The following SDK1 variants were observed in gnomAD, a reference collection of about 807,000 sequenced individuals.
SDK1 encodes protein sidekick-1.
In SDK1, 157 loss-of-function variants were observed where a neutral mutation model predicts 245.5. The ratio of observed to expected loss-of-function variants is 0.64; its 90% CI spans 0.56 to 0.73. The LOEUF is 0.73. Among genes scored for constraint, SDK1 ranks in the 30% least tolerant of loss-of-function variants. The pLI, the probability that SDK1 is intolerant of heterozygous loss-of-function variation, is 0.00. For missense variants in SDK1, 3,583 were observed against 3,002.3 expected, an observed-to-expected ratio of 1.19 and a Z score of -4.52; for synonymous variants, 1,647 against 1,278.5, an observed-to-expected ratio of 1.29 and a Z score of -6.15.
At position 3,866,815 on chromosome 7, in the gene SDK1, G is replaced by A. The variant is rs557953883; in HGVS notation, c.847+45232G>A. 9.8e-5 allele frequency among the ~76,000 whole-genome samples: 15 copies of A among 152,292 alleles called. No homozygotes were observed. In the South Asian group the frequency reaches 1.2e-3, roughly 13 times the overall value. On this transcript the variant is annotated intron_variant, in intron 5 of 44. Coordinates refer to ENST00000404826, the MANE Select transcript of SDK1 (RefSeq NM_152744.4). ...GTGGAGGAACCACTTGAGAGGAGGC[G>A]TAAGGACAGACTGTGAAGGACTTTG... is the stretch of plus-strand genomic sequence containing the variant.
Position 4,051,661 on chromosome 7 carries a change from C to T in SDK1, c.2742C>T (p.Ala914=). 14 of 1,612,300 alleles carry T rather than the reference C, an allele frequency of 8.7e-6. No individual in the cohort carries two copies. The highest frequency in any genetic ancestry group is 1.2e-5 in the Non-Finnish European group (14 of 1,179,254). The part of the protein sequence containing the change: ...GYKLLAWPAD[A]PEAVTVVTIA... ...AGCTTCTGGCATGGCCGGCAGATGC[C>T]CCCGAGGCTGTCACTGTGGTCACTA... is the stretch of plus-strand genomic sequence containing the variant. The change falls in exon 19 of 45, where the codon GCC becomes GCT. Residue 914 remains alanine (A), a synonymous_variant. Transcript: ENST00000404826.
intron 5 of SDK1, among the ~76,000 whole-genome samples, chr7:3,948,815 A>T (rs1780680347): frequency 6.6e-6 from 1 of 152,226 alleles, no homozygotes; most frequent in Admixed American, 6.5e-5. Context: ...CGTCCTCCCC[A>T]GTCCTGAACT....
chr7:4,004,668 C>G (rs538902003), intron 14 of SDK1, among the ~76,000 whole-genome samples: 70 of 152,294 alleles, frequency 4.6e-4, no homozygotes, highest in African/African-American at 1.4e-3. Context: ...CCTCACTTTC[C>G]TTTTGCTAGA....
chr7:3,442,605 T>G (rs1427817502), intron 1 of SDK1, among the ~76,000 whole-genome samples: 1 of 152,224 alleles, frequency 6.6e-6, no homozygotes, highest in Non-Finnish European at 1.5e-5. Flanking sequence ...TTCTAACTTT[T>G]CAAATTTAGG....
intron 5 of SDK1, among the ~76,000 whole-genome samples, chr7:3,912,397 G>C (rs1005767097): frequency 1.3e-5 from 2 of 152,238 alleles, no homozygotes. Context: ...TAGGCACTCA[G>C]TGTTTTTGCA....
intron 17 of SDK1, among the ~76,000 whole-genome samples, chr7:4,041,288 C>CTTT (rs58871072): frequency 0.018 from 2,623 of 141,974 alleles, 66 homozygotes; most frequent in South Asian, 0.044. Context: ...TTTTGTTTTA[C>CTTT]TTTTTTTTTT....
At chr7:3,846,894 C>T (rs1052120608) in intron 5 of SDK1, among the ~76,000 whole-genome samples, 3 of 152,146 alleles carry the variant, frequency 2.0e-5, no homozygotes, top group Non-Finnish European at 4.4e-5. Flanking sequence ...CGCACTGGAA[C>T]TGCCCCCAGC....
intron 19 of SDK1, among the ~76,000 whole-genome samples, chr7:4,054,162 A>G (rs1330687429): frequency 6.6e-6 from 1 of 152,036 alleles, no homozygotes; most frequent in African/African-American, 2.4e-5. Flanking sequence ...GCTGCTCTCA[A>G]ACTCCTGACC....
intron 4 of SDK1, among the ~76,000 whole-genome samples, chr7:3,758,718 C>G (rs183858386): frequency 1.4e-4 from 21 of 152,196 alleles, no homozygotes; most frequent in South Asian, 2.1e-4. Context: ...CTTTAAGAAC[C>G]CTGGTGCCTT....
chr7:3,983,294 T>G (rs1354142075), intron 13 of SDK1, among the ~76,000 whole-genome samples: 1 of 152,186 alleles, frequency 6.6e-6, no homozygotes, highest in Non-Finnish European at 1.5e-5. Context: ...TACAGAAAAG[T>G]CTTTCATGAG....
chr7:3,760,898 G>C (rs1368714212), intron 4 of SDK1, among the ~76,000 whole-genome samples: 2 of 152,200 alleles, frequency 1.3e-5, no homozygotes, highest in African/African-American at 4.8e-5. Flanking sequence ...ACGCTGAGTA[G>C]TGAAGTATTT....
At chr7:3,351,636 A>G (rs1442247292) in intron 1 of SDK1, among the ~76,000 whole-genome samples, 6 of 152,212 alleles carry the variant, frequency 3.9e-5, no homozygotes, top group Non-Finnish European at 2.9e-5. Flanking sequence ...CTGGTATAAC[A>G]TGTTGATATC....
intron 5 of SDK1, among the ~76,000 whole-genome samples, chr7:3,905,432 A>G (rs911826382): frequency 6.6e-6 from 1 of 152,020 alleles, no homozygotes; most frequent in Non-Finnish European, 1.5e-5. Flanking sequence ...GTTACATTTT[A>G]TTTTAGGCTT....
chr7:4,076,306 C>A (rs1780674303), intron 20 of SDK1, among the ~76,000 whole-genome samples: 1 of 152,184 alleles, frequency 6.6e-6, no homozygotes, highest in Non-Finnish European at 1.5e-5. Flanking sequence ...GTAATCCCAA[C>A]ACTAAGGGAG....
chr7:3,908,083 A>C (rs1003440266), intron 5 of SDK1, among the ~76,000 whole-genome samples: 2 of 152,034 alleles, frequency 1.3e-5, no homozygotes, highest in South Asian at 2.1e-4. Flanking sequence ...TTATTTAACA[A>C]ACATTTATTG....
chr7:4,267,719 G>T lies in SDK1; in HGVS notation c.*2335G>T, dbSNP rs868369577. 4.1e-6 allele frequency: 4 copies of T among 985,476 alleles called. No individual in the cohort carries two copies. The highest frequency in any genetic ancestry group is 4.8e-6 in the Non-Finnish European group (4 of 829,962). 61.0% of individuals were successfully genotyped at this position (985,476 alleles called of 1,614,324 possible). A position where few individuals can be genotyped will look rare whatever the true frequency, so the allele number is the denominator to read the frequency against. On this transcript the variant is annotated 3_prime_UTR_variant, in exon 45 of 45. Coordinates refer to ENST00000404826, the MANE Select transcript of SDK1 (RefSeq NM_152744.4). The stretch of plus-strand genomic sequence containing the variant: ...ATATGTTTGTTGCTCTCGGGTTTTC[G>T]ATACAACATCATGACACTTCTGTTT...
chr7:4,261,569 G>A lies in SDK1; in HGVS notation c.6382-3555G>A, dbSNP rs553824207. ...ACAAGGCGCAGCTCCTAGCCTGGCC[G>A]CTGATGGGAATCCTCAGAGAGCCTG... On this transcript the variant is annotated intron_variant, in intron 44 of 44. Coordinates refer to ENST00000404826, the MANE Select transcript of SDK1 (RefSeq NM_152744.4). Among the ~76,000 whole-genome samples, 65 of 152,284 alleles carry A rather than the reference G, an allele frequency of 4.3e-4. 1 individual carries two copies. The highest frequency in any genetic ancestry group is 2.4e-3 in the Admixed American group (37 of 15,306).
chr7:4,254,659 T>C (rs1407317441), intron 44 of SDK1, among the ~76,000 whole-genome samples: 1 of 151,966 alleles, frequency 6.6e-6, no homozygotes, highest in East Asian at 1.9e-4. Context: ...GTGTATGCAT[T>C]ATACTTTCCT....
At chr7:3,470,830 A>T (rs1456620600) in intron 1 of SDK1, among the ~76,000 whole-genome samples, 1 of 152,196 alleles carries the variant, frequency 6.6e-6, no homozygotes, top group Non-Finnish European at 1.5e-5. Flanking sequence ...AGCAAATATC[A>T]TATAAATGCA....
Sources: allele counts gnomAD v4.1 joint callset (sites outside exome capture counted in the v4.1 genomes callset), GRCh38; gene constraint gnomAD v4.1.1; transcripts MANE v1.5; gene names NCBI Gene and HGNC (gene_info 2026-07-23, HGNC 2026-07-21).